The following GALNT13 variants were observed in gnomAD, a reference collection of about 807,000 sequenced individuals.
GALNT13 encodes the protein polypeptide N-acetylgalactosaminyltransferase 13.
A neutral mutation model predicts 64.2 loss-of-function variants in GALNT13; 28 were observed. The observed-to-expected ratio is 0.44, with a 90% CI of 0.32 to 0.60. The LOEUF is 0.60. GALNT13 is among the 20% of genes least tolerant of loss of function. The pLI is 0.05. For missense variants in GALNT13, 577 were observed against 669.8 expected (o/e 0.86, Z 1.53); for synonymous variants, 214 against 224.6 (o/e 0.95, Z 0.42).
At chr2:154,134,975 G>C (rs1231717840) in intron 3 of GALNT13, among the ~76,000 whole-genome samples, 1 of 152,160 alleles carries the variant, frequency 6.6e-6, no homozygotes, top group Non-Finnish European at 1.5e-5. Flanking sequence ...AACAAAGGGA[G>C]ACTCCGTCTC....
At chr2:154,118,770 C>T (rs913211939) in intron 3 of GALNT13, among the ~76,000 whole-genome samples, 2 of 151,996 alleles carry the variant, frequency 1.3e-5, no homozygotes, top group Admixed American at 6.6e-5. Flanking sequence ...CTAGAACATC[C>T]TGTACTTATT....
chr2:153,836,364 C>T, the GALNT13 span, among the ~76,000 whole-genome samples: 1 of 152,004 alleles, frequency 6.6e-6, no homozygotes, highest in East Asian at 1.9e-4. Context: ...CTACTCTTAG[C>T]AAATTTCAAG....
the GALNT13 span, among the ~76,000 whole-genome samples, chr2:153,102,299 C>CTT: frequency 6.6e-6 from 1 of 151,720 alleles, no homozygotes; most frequent in Non-Finnish European, 1.5e-5. Context: ...TCATTCATTC[C>CTT]TTTTTTTCAA....
At chr2:153,196,716 T>A in the GALNT13 span, among the ~76,000 whole-genome samples, 1 of 151,754 alleles carries the variant, frequency 6.6e-6, no homozygotes, top group East Asian at 1.9e-4. Flanking sequence ...ACCGCACTGC[T>A]CCCCCACTGG....
rs562822463 is a variant in GALNT13, at chr2:154,344,271, T to G, written c.1156+42682T>G. Among the ~76,000 whole-genome samples the G allele has an allele frequency of 5.9e-5, 9 of 152,152 alleles. No individual in the cohort carries two copies. The East Asian group carries it at 9.7e-4, about 16-fold the overall frequency. On this transcript the variant is annotated intron_variant, in intron 9 of 12. Coordinates refer to ENST00000392825, the MANE Select transcript of GALNT13 (RefSeq NM_052917.4). ...ATAGTTAACAAATAGAAGGAGATCT[T>G]GCCTGTTGACTCGCCTGACAAAGAC...
chr2:154,338,691 A>G (rs1695590419), intron 9 of GALNT13, among the ~76,000 whole-genome samples: 1 of 152,058 alleles, frequency 6.6e-6, no homozygotes. Flanking sequence ...AGTTTGAATA[A>G]TTTCCGTAGG....
At chr2:154,181,541 A>G (rs1206076340) in intron 4 of GALNT13, among the ~76,000 whole-genome samples, 1 of 152,084 alleles carries the variant, frequency 6.6e-6, no homozygotes, top group Non-Finnish European at 1.5e-5. Flanking sequence ...AAACAATGCT[A>G]TTTTGCTTTT....
chr2:153,168,690 T>A, the GALNT13 span, among the ~76,000 whole-genome samples: 5 of 152,326 alleles, frequency 3.3e-5, no homozygotes, highest in East Asian at 9.6e-4. Flanking sequence ...TCTTCATCTA[T>A]AAAATATACC....
At chr2:153,960,275 C>T (rs1408717763) in intron 3 of GALNT13, among the ~76,000 whole-genome samples, 1 of 152,216 alleles carries the variant, frequency 6.6e-6, no homozygotes, top group Non-Finnish European at 1.5e-5. Flanking sequence ...TCACCCACTG[C>T]CATCTTCTGT....
At chr2:154,114,667 G>A (rs1703185740) in intron 3 of GALNT13, among the ~76,000 whole-genome samples, 1 of 152,100 alleles carries the variant, frequency 6.6e-6, no homozygotes, top group Non-Finnish European at 1.5e-5. Flanking sequence ...ATTGATTGAG[G>A]GGCCATGTTT....
chr2:153,844,430 A>G, the GALNT13 span, among the ~76,000 whole-genome samples: 1 of 152,194 alleles, frequency 6.6e-6, no homozygotes, highest in African/African-American at 2.4e-5. Context: ...CCAAGGCTGC[A>G]AAGGATAGCA....
intron 3 of GALNT13, among the ~76,000 whole-genome samples, chr2:154,011,968 T>C (rs577791652): frequency 7.9e-5 from 12 of 152,334 alleles, no homozygotes; most frequent in African/African-American, 2.6e-4. Flanking sequence ...GCCTGTGAGA[T>C]AGGTCTCTTT....
At chr2:153,713,317 C>T in the GALNT13 span, among the ~76,000 whole-genome samples, 6 of 152,154 alleles carry the variant, frequency 3.9e-5, no homozygotes, top group Non-Finnish European at 8.8e-5. Context: ...GCCAGCAAAA[C>T]ATAAGCAGCT....
At chr2:153,647,766 A>G in the GALNT13 span, among the ~76,000 whole-genome samples, 1 of 152,172 alleles carries the variant, frequency 6.6e-6, no homozygotes, top group Non-Finnish European at 1.5e-5. Flanking sequence ...GTCAAAGATC[A>G]GATAGTTGTA....
chr2:153,817,853 G>A, the GALNT13 span, among the ~76,000 whole-genome samples: 1 of 152,160 alleles, frequency 6.6e-6, no homozygotes, highest in Non-Finnish European at 1.5e-5. Context: ...AAAACATGGT[G>A]TAACCATAAA....
chr2:153,400,746 G>C, the GALNT13 span, among the ~76,000 whole-genome samples: 1 of 152,140 alleles, frequency 6.6e-6, no homozygotes, highest in Non-Finnish European at 1.5e-5. Flanking sequence ...ATGGTAGTTT[G>C]TATTTCTGTG....
chr2:154,092,299 T>C (rs991205442), intron 3 of GALNT13, among the ~76,000 whole-genome samples: 4 of 152,004 alleles, frequency 2.6e-5, no homozygotes, highest in Non-Finnish European at 5.9e-5. Flanking sequence ...GCTAATGTTG[T>C]TTTAAAATAA....
chr2:154,108,566 G>C (rs1445540299), intron 3 of GALNT13, among the ~76,000 whole-genome samples: 2 of 151,990 alleles, frequency 1.3e-5, no homozygotes, highest in African/African-American at 4.8e-5. Flanking sequence ...CTTCTATGCT[G>C]TTCAGTAGCT....
At chr2:153,614,090 A>G in the GALNT13 span, among the ~76,000 whole-genome samples, 1 of 152,036 alleles carries the variant, frequency 6.6e-6, no homozygotes. Context: ...GGAACTATAA[A>G]CTGAGTGGCT....
Sources: allele counts gnomAD v4.1 joint callset (sites outside exome capture counted in the v4.1 genomes callset), GRCh38; gene constraint gnomAD v4.1.1; transcripts MANE v1.5; gene names NCBI Gene and HGNC (gene_info 2026-07-23, HGNC 2026-07-21).